Variants in RGS6 observed in about 807,000 individuals in gnomAD.
RGS6 encodes the protein regulator of G-protein signaling 6.
In RGS6, 30 loss-of-function variants were observed where a neutral mutation model predicts 78.5. The ratio of observed to expected loss-of-function variants is 0.38; its 90% CI spans 0.29 to 0.52. RGS6 has a LOEUF of 0.52. Among genes scored for constraint, RGS6 ranks in the 20% least tolerant of loss-of-function variants. The pLI is 0.85. For missense variants in RGS6, 495 were observed against 609.7 expected (o/e 0.81, Z 1.98); for synonymous variants, 206 against 206.0 (o/e 1.00, Z 0.00).
At chr14:72,517,319 C>T (rs1475623747) in intron 14 of RGS6, among the ~76,000 whole-genome samples, 1 of 152,136 alleles carries the variant, frequency 6.6e-6, no homozygotes, top group Non-Finnish European at 1.5e-5. Flanking sequence ...CTCTCTTACT[C>T]ACTGATGGGG....
At chr14:72,117,692 G>A (rs1036638873) in intron 2 of RGS6, among the ~76,000 whole-genome samples, 3 of 152,164 alleles carry the variant, frequency 2.0e-5, no homozygotes, top group Non-Finnish European at 2.9e-5. Context: ...CATGGTGCAC[G>A]ATCTACATTT....
At chr14:72,215,178 C>G (rs2045259107) in intron 2 of RGS6, among the ~76,000 whole-genome samples, 1 of 152,196 alleles carries the variant, frequency 6.6e-6, no homozygotes, top group African/African-American at 2.4e-5. Context: ...ATCCACTCTT[C>G]TCTTCCTCCT....
the RGS6 span, among the ~76,000 whole-genome samples, chr14:72,581,283 A>C: frequency 1.3e-5 from 2 of 152,204 alleles, 1 homozygote; most frequent in South Asian, 4.2e-4. Context: ...ATGGCACCCC[A>C]TCTATCCATA....
chr14:71,874,980 C>G, the RGS6 span, among the ~76,000 whole-genome samples: 1 of 152,140 alleles, frequency 6.6e-6, no homozygotes, highest in Non-Finnish European at 1.5e-5. Flanking sequence ...GCCTTGCATC[C>G]CAGGGATGAA....
intron 5 of RGS6, among the ~76,000 whole-genome samples, chr14:72,459,122 G>A (rs1365821839): frequency 6.6e-6 from 1 of 152,146 alleles, no homozygotes; most frequent in African/African-American, 2.4e-5. Context: ...TCTTTCTACT[G>A]TCTCATGTTG....
chr14:71,872,429 G>T, the RGS6 span, among the ~76,000 whole-genome samples: 1 of 152,190 alleles, frequency 6.6e-6, no homozygotes, highest in South Asian at 2.1e-4. Flanking sequence ...TGTCTTTTCT[G>T]CCCTTGGAAC....
the RGS6 span, among the ~76,000 whole-genome samples, chr14:72,604,550 T>A: frequency 6.6e-6 from 1 of 152,314 alleles, no homozygotes; most frequent in Non-Finnish European, 1.5e-5. Context: ...TCAAGTTTTA[T>A]CCTCCAAGTC....
chr14:72,490,721 A>C (rs913640148), intron 12 of RGS6, among the ~76,000 whole-genome samples: 1 of 152,212 alleles, frequency 6.6e-6, no homozygotes, highest in African/African-American at 2.4e-5. Flanking sequence ...CCCAGGGGTC[A>C]TGATAAACAC....
intron 2 of RGS6, among the ~76,000 whole-genome samples, chr14:72,046,652 T>C (rs2092868278): frequency 6.6e-6 from 1 of 150,756 alleles, no homozygotes; most frequent in Non-Finnish European, 1.5e-5. Context: ...TTCCTTCTAC[T>C]CTTCCTCCTC....
chr14:72,320,679 C>CTT (rs2071698804), intron 2 of RGS6, among the ~76,000 whole-genome samples: 1 of 151,466 alleles, frequency 6.6e-6, no homozygotes. Flanking sequence ...TCAGTGAACA[C>CTT]TGAGTCTGTT....
In RGS6 at chr14:72,112,526, C is replaced by T. The variant is rs566707551; in HGVS notation, c.84+147651C>T. Among the ~76,000 whole-genome samples, 32 of 152,264 alleles carry T rather than the reference C, an allele frequency of 2.1e-4. No individual in the cohort carries two copies. The South Asian group carries it at 6.2e-3, about 30-fold the overall frequency. ...TCATATCATAGAAATCACAATGGTC[C>T]TCTTAGGGCAAAATAATGGGTGTGA... On this transcript the variant is annotated intron_variant, in intron 2 of 17. Transcript: ENST00000553525.
At chr14:72,208,855 T>C (rs2043327930) in intron 2 of RGS6, among the ~76,000 whole-genome samples, 1 of 152,186 alleles carries the variant, frequency 6.6e-6, no homozygotes, top group Non-Finnish European at 1.5e-5. Context: ...CATAATTGCT[T>C]TCTCCCTTCC....
rs756466248 is a variant in RGS6 at position 72,562,468 on chromosome 14, C to A, written c.*1C>A. The stretch of plus-strand genomic sequence containing the variant: ...CACGGGCCTGATGCAGTCCTCCTGA[C>A]CGTTCCTACCGCAGGTCCAGGGCCT... On this transcript the variant is annotated 3_prime_UTR_variant, in exon 18 of 18. Transcript: ENST00000553525. 1 of 1,612,422 alleles carries A rather than the reference C, an allele frequency of 6.2e-7. No individual in the cohort carries two copies. The highest frequency in any genetic ancestry group is 8.5e-7 in the Non-Finnish European group (1 of 1,180,024).
At chr14:72,583,229 A>G in the RGS6 span, among the ~76,000 whole-genome samples, 2 of 152,160 alleles carry the variant, frequency 1.3e-5, no homozygotes, top group Non-Finnish European at 2.9e-5. Flanking sequence ...CCATGCTACT[A>G]GGTCCCCTTG....
At chr14:72,190,365 A>C (rs1257730548) in intron 2 of RGS6, among the ~76,000 whole-genome samples, 1 of 152,224 alleles carries the variant, frequency 6.6e-6, no homozygotes, top group African/African-American at 2.4e-5. Context: ...CTATGACTCC[A>C]CTGGGGATTA....
At chr14:72,068,158 A>G (rs2094243632) in intron 2 of RGS6, among the ~76,000 whole-genome samples, 1 of 149,408 alleles carries the variant, frequency 6.7e-6, no homozygotes, top group South Asian at 2.1e-4. Flanking sequence ...TTTTGAGACA[A>G]GATCTGACGG....
At chr14:71,871,109 T>A in the RGS6 span, among the ~76,000 whole-genome samples, 1 of 152,190 alleles carries the variant, frequency 6.6e-6, no homozygotes, top group Non-Finnish European at 1.5e-5. Context: ...CTTCTGGCGC[T>A]GAGACCCTGT....
chr14:72,585,244 C>T, the RGS6 span, among the ~76,000 whole-genome samples: 2 of 152,318 alleles, frequency 1.3e-5, no homozygotes, highest in South Asian at 4.1e-4. Flanking sequence ...ATCTCCCTCC[C>T]ATTCACTCCA....
chr14:72,171,393 G>A (rs1291560081), intron 2 of RGS6, among the ~76,000 whole-genome samples: 1 of 152,192 alleles, frequency 6.6e-6, no homozygotes. Flanking sequence ...CAGCCTAGTG[G>A]TAGAGAAAAG....
Sources: gnomAD v4.1 joint callset for allele counts (sites outside exome capture counted in the v4.1 genomes callset) on GRCh38, gnomAD v4.1.1 for gene constraint, MANE v1.5 for transcripts, NCBI Gene and HGNC (gene_info 2026-07-23, HGNC 2026-07-21) for gene names.